Variants in PCDH15 observed in about 807,000 individuals in gnomAD.
PCDH15 encodes protocadherin-15.
Under a neutral mutation model 178.5 loss-of-function variants are expected in PCDH15, and 129 were observed. That is an observed-to-expected ratio of 0.72 (90% CI 0.63 to 0.84). The LOEUF (loss-of-function observed/expected upper bound fraction) is 0.84. Ranked by LOEUF, PCDH15 falls within the 40% of genes least tolerant of loss-of-function variation. The probability of loss-of-function intolerance (pLI) is 0.00; values close to 1 mark genes in which losing one functional copy is unlikely to be tolerated. For missense variants in PCDH15, 2,230 were observed against 2,099.9 expected (o/e 1.06, Z -1.21); for synonymous variants, 800 against 732.0 (o/e 1.09, Z -1.50).
chr10:54,753,577 T>C (rs1185876093), intron 1 of PCDH15, among the ~76,000 whole-genome samples: 1 of 152,210 alleles, frequency 6.6e-6, no homozygotes, highest in East Asian at 1.9e-4. Flanking sequence ...AGTCATTTCA[T>C]CTCTATCTTC....
intron 2 of PCDH15, among the ~76,000 whole-genome samples, chr10:55,122,375 G>A (rs1288660572): frequency 6.6e-6 from 1 of 152,174 alleles, no homozygotes; most frequent in Non-Finnish European, 1.5e-5. Context: ...ACTTTAAGTT[G>A]TGTAAGGATA....
chr10:55,146,747 T>G (rs1046510010), intron 2 of PCDH15, among the ~76,000 whole-genome samples: 1 of 151,926 alleles, frequency 6.6e-6, no homozygotes, highest in Non-Finnish European at 1.5e-5. Context: ...TTGACAAAAT[T>G]TACATTGTGT....
intron 2 of PCDH15, among the ~76,000 whole-genome samples, chr10:54,545,481 A>C (rs1590020767): frequency 1.4e-5 from 2 of 138,276 alleles, no homozygotes; most frequent in African/African-American, 3.5e-5. Flanking sequence ...CTATTGGTTC[A>C]AGTAAGGAAT....
intron 8 of PCDH15, among the ~76,000 whole-genome samples, chr10:54,312,020 T>C (rs12776029): frequency 0.034 from 5,098 of 152,084 alleles, 135 homozygotes; most frequent in Admixed American, 0.086. Flanking sequence ...TCAACATAGG[T>C]GAACAGGTGG....
chr10:54,378,246 T>TA (rs201284925), intron 4 of PCDH15, among the ~76,000 whole-genome samples: 3,000 of 151,522 alleles, frequency 0.02, 100 homozygotes, highest in African/African-American at 0.069. Flanking sequence ...ATATTCTTAA[T>TA]AAAAAAAAAT....
At chr10:55,071,784 G>C (rs867766887) in intron 2 of PCDH15, among the ~76,000 whole-genome samples, 26 of 152,044 alleles carry the variant, frequency 1.7e-4, no homozygotes, top group East Asian at 5.8e-4. Context: ...CCCAAATCAA[G>C]AGAATATACA....
At chr10:54,583,927 G>A (rs991836457) in intron 2 of PCDH15, among the ~76,000 whole-genome samples, 32 of 151,942 alleles carry the variant, frequency 2.1e-4, no homozygotes, top group African/African-American at 7.2e-4. Context: ...ATTAAGATTC[G>A]ACTAAAAGAT....
intron 10 of PCDH15, among the ~76,000 whole-genome samples, chr10:54,203,968 GA>G (rs1259230769): frequency 2.6e-5 from 4 of 152,036 alleles, no homozygotes; most frequent in African/African-American, 9.7e-5. Context: ...TTTCTTTATG[GA>G]TAGAAATTGC....
At chr10:53,897,181 C>G (rs1564712587) in intron 26 of PCDH15, among the ~76,000 whole-genome samples, 1 of 103,262 alleles carries the variant, frequency 9.7e-6, no homozygotes, top group Non-Finnish European at 2.1e-5. Flanking sequence ...TTTCAACATA[C>G]AAGGTAATGC....
intron 3 of PCDH15, among the ~76,000 whole-genome samples, chr10:54,833,784 G>GTT (rs1953266274): frequency 6.6e-6 from 1 of 152,118 alleles, no homozygotes; most frequent in African/African-American, 2.4e-5. Flanking sequence ...TCAATATATT[G>GTT]TGAGTACCAA....
chr10:54,034,274 C>T lies in PCDH15; in HGVS notation c.2221-11077G>A, dbSNP rs1336233039. Among the ~76,000 whole-genome samples the T allele has an allele frequency of 5.9e-5, 9 of 151,810 alleles. No individual in the cohort carries two copies. In the East Asian group the frequency reaches 1.7e-3, roughly 29 times the overall value. On this transcript the variant is annotated intron_variant, in intron 18 of 37. Coordinates refer to ENST00000644397, the MANE Select transcript of PCDH15 (RefSeq NM_001384140.1). ...GCTCACGTTTTTCCCAAACAATACC[C>T]ATAAAATTAAAGGTGTTTTTCTCTA...
At chr10:54,689,932 G>A (rs1187701511) in intron 1 of PCDH15, among the ~76,000 whole-genome samples, 2 of 152,164 alleles carry the variant, frequency 1.3e-5, no homozygotes, top group African/African-American at 4.8e-5. Flanking sequence ...GAAGGAATGA[G>A]AGGTCATCAA....
At chr10:53,993,545 ATAAACATT>A (rs1241923425) in intron 21 of PCDH15, among the ~76,000 whole-genome samples, 4 of 152,200 alleles carry the variant, frequency 2.6e-5, no homozygotes, top group Non-Finnish European at 5.9e-5. Context: ...CTTCTAATTA[ATAAACATT>A]TATAACAGTA....
intron 1 of PCDH15, among the ~76,000 whole-genome samples, chr10:55,270,978 G>T (rs553944492): frequency 6.6e-6 from 1 of 152,192 alleles, no homozygotes; most frequent in African/African-American, 2.4e-5. Context: ...GAAATCATGT[G>T]CTTCACGGTG....
intron 3 of PCDH15, among the ~76,000 whole-genome samples, chr10:54,826,729 C>T (rs552425153): frequency 1.5e-4 from 22 of 151,604 alleles, no homozygotes; most frequent in Middle Eastern, 3.4e-3. Flanking sequence ...ATTATTTTTA[C>T]ATCTACACTA....
intron 1 of PCDH15, among the ~76,000 whole-genome samples, chr10:54,685,879 G>A (rs1477518018): frequency 6.6e-6 from 1 of 151,992 alleles, no homozygotes; most frequent in Non-Finnish European, 1.5e-5. Context: ...CATATCACTT[G>A]GCACCATCAT....
At chr10:55,172,355 A>C (rs2132124429) in intron 1 of PCDH15, among the ~76,000 whole-genome samples, 1 of 152,138 alleles carries the variant, frequency 6.6e-6, no homozygotes, top group African/African-American at 2.4e-5. Context: ...GTGTACAAAT[A>C]AAGGCATGAC....
At chr10:55,267,193 C>CAT (rs752343443) in intron 1 of PCDH15, among the ~76,000 whole-genome samples, 8 of 152,098 alleles carry the variant, frequency 5.3e-5, no homozygotes, top group African/African-American at 7.2e-5. Context: ...TACACACACA[C>CAT]ATATATACAT....
At chr10:54,404,121 T>C (rs1295031214) in intron 3 of PCDH15, among the ~76,000 whole-genome samples, 2 of 151,850 alleles carry the variant, frequency 1.3e-5, no homozygotes, top group African/African-American at 2.4e-5. Flanking sequence ...GCTATTTTAA[T>C]ATTCATATTA....
Sources: allele counts gnomAD v4.1 joint callset (sites outside exome capture counted in the v4.1 genomes callset), GRCh38; gene constraint gnomAD v4.1.1; transcripts MANE v1.5; gene names NCBI Gene and HGNC (gene_info 2026-07-23, HGNC 2026-07-21).